Variants in PTK2 observed in about 807,000 individuals in gnomAD.
PTK2 encodes the protein protein tyrosine kinase 2, also known as focal adhesion kinase 1.
PTK2 carries 45 observed loss-of-function variants against 150.1 expected under a neutral mutation model. The observed-to-expected ratio is 0.30, with a 90% confidence interval of 0.24 to 0.38. PTK2 has a LOEUF of 0.38. Among genes scored for constraint, PTK2 ranks in the 10% least tolerant of loss-of-function variants. The pLI, the probability that PTK2 is intolerant of heterozygous loss-of-function variation, is 1.00. For missense variants in PTK2, 919 were observed against 1,307.3 expected, an observed-to-expected ratio of 0.70 and a Z score of 4.58; for synonymous variants, 432 against 449.2, an observed-to-expected ratio of 0.96 and a Z score of 0.48.
exon 27 of PTK2, chr8:140,686,649 C>T: frequency 6.2e-7 from 1 of 1,613,902 alleles, no homozygotes; most frequent in South Asian, 1.1e-5. Context: ...TGAAGACTTC[C>T]ATCCTCCCTG....
At chr8:140,806,215 C>T (rs1394063941) in intron 10 of PTK2, among the ~76,000 whole-genome samples, 1 of 152,144 alleles carries the variant, frequency 6.6e-6, no homozygotes, top group Non-Finnish European at 1.5e-5. Context: ...TTGAACTTTC[C>T]AGGAATGCAA....
intron 10 of PTK2, among the ~76,000 whole-genome samples, chr8:140,817,293 G>GAC (rs973082980): frequency 6.6e-6 from 1 of 152,194 alleles, no homozygotes; most frequent in Non-Finnish European, 1.5e-5. Flanking sequence ...AAGAATGGTA[G>GAC]AGGCAGGAGC....
At chr8:140,670,493 A>G (rs1256254512) in intron 29 of PTK2, among the ~76,000 whole-genome samples, 2 of 32,088 alleles carry the variant, frequency 6.2e-5, no homozygotes, top group African/African-American at 2.4e-4. Flanking sequence ...ACAACAACAC[A>G]CACACACACA....
intron 1 of PTK2, 123 bp from the exon 2 acceptor site, chr8:140,925,872 G>GT (rs1320374186): frequency 3.9e-5 from 6 of 152,560 alleles, no homozygotes; most frequent in African/African-American, 1.4e-4. Context: ...ATGAAATAGC[G>GT]TAATAGCAAT....
intron 1 of PTK2, among the ~76,000 whole-genome samples, chr8:140,988,996 AG>A (rs914821611): frequency 7.9e-6 from 1 of 126,236 alleles, no homozygotes; most frequent in African/African-American, 2.5e-5. Flanking sequence ...TCACAGCCTC[AG>A]GGTGGGGAAG....
At chr8:140,679,226 T>G (rs987138044) in intron 27 of PTK2, among the ~76,000 whole-genome samples, 1 of 151,784 alleles carries the variant, frequency 6.6e-6, no homozygotes, top group Non-Finnish European at 1.5e-5. Context: ...GGTTTCACTA[T>G]GTGGGCCAGG....
intron 2 of PTK2, among the ~76,000 whole-genome samples, chr8:140,915,564 G>A (rs957551623): frequency 1.3e-5 from 2 of 152,060 alleles, no homozygotes; most frequent in African/African-American, 4.8e-5. Context: ...GGGGCATGCT[G>A]TTATTCTCCT....
chr8:140,787,526 T>C (rs774327040), intron 14 of PTK2, among the ~76,000 whole-genome samples: 2 of 152,150 alleles, frequency 1.3e-5, no homozygotes, highest in Non-Finnish European at 2.9e-5. Flanking sequence ...CTGGAAGAAG[T>C]AAAATCCAAG....
chr8:140,829,724 T>TTTA (rs2100114166), intron 8 of PTK2, among the ~76,000 whole-genome samples: 1 of 152,112 alleles, frequency 6.6e-6, no homozygotes, highest in Non-Finnish European at 1.5e-5. Context: ...AAGTAATATA[T>TTTA]TTACTAATCT....
chr8:140,856,108 A>T (rs1291240069), intron 5 of PTK2, among the ~76,000 whole-genome samples: 2 of 152,252 alleles, frequency 1.3e-5, no homozygotes, highest in East Asian at 3.8e-4. Flanking sequence ...GTTGGTACCC[A>T]GAGAAGTGAA....
intron 14 of PTK2, among the ~76,000 whole-genome samples, chr8:140,775,253 G>A (rs1248370145): frequency 3.3e-5 from 5 of 152,174 alleles, no homozygotes; most frequent in Admixed American, 6.5e-5. Context: ...GGGAGGCAGA[G>A]GTGGGCAGAT....
chr8:140,697,416 T>TTGTGTGTGTGTGTGTGTG (rs34459077), intron 26 of PTK2, among the ~76,000 whole-genome samples: 34 of 145,816 alleles, frequency 2.3e-4, no homozygotes, highest in African/African-American at 7.6e-4. Flanking sequence ...AGAATACGGT[T>TTGTGTGTGTGTGTGTGTG]TGTGTGTGTG....
At chr8:140,871,668 C>T (rs1334095121) in intron 4 of PTK2, among the ~76,000 whole-genome samples, 1 of 152,126 alleles carries the variant, frequency 6.6e-6, no homozygotes, top group Non-Finnish European at 1.5e-5. Flanking sequence ...ACCGTGATGG[C>T]ATGCGCCTAT....
At chr8:140,973,453 T>G (rs1444345488) in intron 1 of PTK2, among the ~76,000 whole-genome samples, 3 of 151,778 alleles carry the variant, frequency 2.0e-5, no homozygotes, top group Non-Finnish European at 4.4e-5. Flanking sequence ...CCTAAAATTC[T>G]AGATTACGTA....
At chr8:140,963,514 C>T (rs746702067) in intron 1 of PTK2, among the ~76,000 whole-genome samples, 24 of 152,142 alleles carry the variant, frequency 1.6e-4, no homozygotes, top group Non-Finnish European at 5.9e-5. Context: ...ATTCAAGTTA[C>T]AGTGTTGCAA....
chr8:140,806,402 C>A (rs1170143436), intron 10 of PTK2, among the ~76,000 whole-genome samples: 1 of 152,090 alleles, frequency 6.6e-6, no homozygotes, highest in East Asian at 1.9e-4. Flanking sequence ...ACGTACGTAA[C>A]AGAGGATGTC....
chr8:140,960,741 G>A (rs921569054), intron 1 of PTK2, among the ~76,000 whole-genome samples: 28 of 152,074 alleles, frequency 1.8e-4, no homozygotes, highest in Non-Finnish European at 1.6e-4. Flanking sequence ...CAGCACTTTC[G>A]GAGGCCAAGG....
At chr8:140,679,046 A>G (rs2100015619) in intron 27 of PTK2, among the ~76,000 whole-genome samples, 1 of 77,352 alleles carries the variant, frequency 1.3e-5, no homozygotes, top group Non-Finnish European at 2.2e-5. Flanking sequence ...TTTTTTTGAG[A>G]CGGACTCTTG....
chr8:140,659,804 C>T, intron 31 of PTK2, 126 bp from the exon 36 acceptor site: 1 of 801,562 alleles, frequency 1.2e-6, no homozygotes, highest in Admixed American at 2.7e-5. Context: ...ATCTTCCTGC[C>T]TCAGCCTTCC....
Sources: allele counts gnomAD v4.1 joint callset (sites outside exome capture counted in the v4.1 genomes callset), GRCh38; gene constraint gnomAD v4.1.1; transcripts MANE v1.5; gene names NCBI Gene and HGNC (gene_info 2026-07-23, HGNC 2026-07-21).